NSFL1C: variants seen among roughly 807,000 people sequenced by gnomAD.
The protein encoded by NSFL1C is NSFL1 cofactor, also known as NSFL1 cofactor p47.
Under a neutral mutation model 43.1 loss-of-function variants are expected in NSFL1C, and 14 were observed. That is an observed-to-expected ratio of 0.32 (90% confidence interval 0.21 to 0.51). The LOEUF is 0.51. NSFL1C is among the 20% of genes least tolerant of loss of function. The pLI is 0.98. For synonymous variants in NSFL1C, 171 were observed against 183.5 expected, an observed-to-expected ratio of 0.93 and a Z score of 0.55; for missense variants, 406 against 472.5, an observed-to-expected ratio of 0.86 and a Z score of 1.30.
chr20:1,455,244 A>T (rs1212233918), intron 3 of NSFL1C, 112 bp from the exon 4 acceptor site: 4 of 1,238,550 alleles, frequency 3.2e-6, no homozygotes. Flanking sequence ...TTGTCTTTAA[A>T]GAATTTACTG....
At chr20:1,449,249 A>G (rs538483334) in intron 7 of NSFL1C, among the ~76,000 whole-genome samples, 3 of 152,248 alleles carry the variant, frequency 2.0e-5, no homozygotes, top group African/African-American at 4.8e-5. Flanking sequence ...CTAACTAATT[A>G]TATCATTCTT....
intron 8 of NSFL1C, among the ~76,000 whole-genome samples, chr20:1,445,306 C>G (rs1366939816): frequency 6.6e-6 from 1 of 152,136 alleles, no homozygotes; most frequent in Admixed American, 6.5e-5. Context: ...CACTGCACCC[C>G]CTTCTCCTCC....
chr20:1,452,440 G>A (rs993715548), intron 7 of NSFL1C, 53 bp downstream of exon 7: 111 of 1,598,286 alleles, frequency 6.9e-5, no homozygotes, highest in Admixed American at 8.6e-5. Context: ...GGGTCTGCTG[G>A]GCTTGGCAGG....
chr20:1,453,000 T>G (rs368542154), intron 6 of NSFL1C, 31 bp downstream of exon 6: 2 of 1,171,554 alleles, frequency 1.7e-6, no homozygotes, highest in African/African-American at 1.5e-5. Context: ...ACTCACTGAT[T>G]TGGGACCTAC....
At chr20:1,454,352 C>T (rs1195445981) in intron 4 of NSFL1C, 47 bp from the exon 5 acceptor site, 1 of 1,282,676 alleles carries the variant, frequency 7.8e-7, no homozygotes. Flanking sequence ...GTCCATGGTA[C>T]AAGGGTTACT....
intron 2 of NSFL1C, among the ~76,000 whole-genome samples, chr20:1,462,157 A>T (rs1006123338): frequency 6.6e-6 from 1 of 152,180 alleles, no homozygotes; most frequent in African/African-American, 2.4e-5. Flanking sequence ...ACAACATAAA[A>T]GGGTATGTGA....
intron 5 of NSFL1C, among the ~76,000 whole-genome samples, chr20:1,453,556 C>CCCA (rs1456438226): frequency 6.6e-6 from 1 of 152,182 alleles, no homozygotes; most frequent in East Asian, 1.9e-4. Flanking sequence ...CACAACAACT[C>CCCA]CCACACACAT....
At chr20:1,452,715 TC>T (rs991811954) in intron 6 of NSFL1C, 85 bp from the exon 7 acceptor site, 11 of 1,539,412 alleles carry the variant, frequency 7.1e-6, no homozygotes, top group Non-Finnish European at 9.7e-6. Context: ...AACCTCTCAG[TC>T]CCGTGGTGAA....
intron 2 of NSFL1C, among the ~76,000 whole-genome samples, chr20:1,460,995 G>A (rs1419132579): frequency 6.6e-6 from 1 of 152,160 alleles, no homozygotes. Flanking sequence ...GGCAGACTTC[G>A]CCTTGAATCT....
intron 7 of NSFL1C, among the ~76,000 whole-genome samples, chr20:1,450,177 T>G (rs761329557): frequency 6.6e-6 from 1 of 152,192 alleles, no homozygotes; most frequent in African/African-American, 2.4e-5. Flanking sequence ...GAGAAAATTT[T>G]CAGGAAAAAT....
intron 7 of NSFL1C, among the ~76,000 whole-genome samples, chr20:1,451,113 C>T (rs187319002): frequency 1.3e-5 from 2 of 152,200 alleles, no homozygotes; most frequent in East Asian, 3.9e-4. Context: ...AAATTAGGTG[C>T]CCTATAAAGC....
At chr20:1,451,592 A>ATTT in intron 7 of NSFL1C, among the ~76,000 whole-genome samples, 1 of 152,296 alleles carries the variant, frequency 6.6e-6, no homozygotes, top group Admixed American at 6.5e-5. Context: ...ATTGGCAAGG[A>ATTT]GGGTCACTAT....
chr20:1,462,031 T>C (rs1414076455), intron 2 of NSFL1C, among the ~76,000 whole-genome samples: 1 of 152,194 alleles, frequency 6.6e-6, no homozygotes, highest in Non-Finnish European at 1.5e-5. Context: ...TTGCCTGTAA[T>C]TTCAGGTATT....
chr20:1,453,087 T>C lies in NSFL1C; in HGVS notation c.591A>G (p.Glu197=), dbSNP rs764222818. ...WKSGFSLDNG[E]LRSYQDPSNA... is the part of the protein sequence containing the mutation. ...TGGATGGGTCTTGGTAGCTTCTGAG[T>C]TCTCCATTATCCAGGCTGAATCCAC... The change falls in exon 6 of 9, where the codon GAA becomes GAG. Residue 197 remains glutamate, a synonymous_variant. Coordinates refer to ENST00000216879, the MANE Select transcript of NSFL1C (RefSeq NM_016143.5). 1.2e-6 allele frequency: 2 copies of C among 1,613,632 alleles called. No individual in the cohort carries two copies. The highest frequency in any genetic ancestry group is 1.1e-5 in the South Asian group (1 of 91,070).
intron 2 of NSFL1C, 59 bp downstream of exon 2, chr20:1,464,270 A>G (rs1213212298): frequency 6.7e-7 from 1 of 1,494,068 alleles, no homozygotes; most frequent in Non-Finnish European, 9.3e-7. Flanking sequence ...CTGGTCAGAA[A>G]ATAGCTCCTC....
chr20:1,451,144 ACTCT>A (rs527529422), intron 7 of NSFL1C, among the ~76,000 whole-genome samples: 3 of 152,210 alleles, frequency 2.0e-5, no homozygotes, highest in Admixed American at 2.0e-4. Flanking sequence ...TGACAGGGAC[ACTCT>A]CTGTGAGAAT....
rs1400093399 is a variant in NSFL1C at position 1,466,762 on chromosome 20, G to A, written c.63C>T (p.Asp21=). The A allele has an allele frequency of 6.4e-7, 1 of 1,563,576 alleles. No homozygotes were observed. The highest frequency in any genetic ancestry group is 1.4e-5 in the African/African-American group (1 of 72,246). Residue 21 remains aspartate, a synonymous_variant, in exon 1 of 9, where the codon GAC becomes GAT. Coordinates refer to ENST00000216879, the MANE Select transcript of NSFL1C (RefSeq NM_016143.5). ...EFVAVTGAEE[D]RARFFLESAG... ...CCGACTCGAGAAAGAAGCGGGCCCG[G>A]TCCTCCTCGGCGCCCGTCACCGCCA...
chr20:1,461,973 A>G (rs2090420354), intron 2 of NSFL1C, among the ~76,000 whole-genome samples: 1 of 152,196 alleles, frequency 6.6e-6, no homozygotes, highest in African/African-American at 2.4e-5. Flanking sequence ...CATAAAAGCC[A>G]TGGACTCTCT....
At chr20:1,465,230 A>G (rs1374655307) in intron 1 of NSFL1C, among the ~76,000 whole-genome samples, 2 of 152,238 alleles carry the variant, frequency 1.3e-5, no homozygotes, top group Non-Finnish European at 2.9e-5. Context: ...ACAGAGATGA[A>G]ATAGACATGG....
Sources: gnomAD v4.1 joint callset for allele counts (sites outside exome capture counted in the v4.1 genomes callset) on GRCh38, gnomAD v4.1.1 for gene constraint, MANE v1.5 for transcripts, NCBI Gene and HGNC (gene_info 2026-07-23, HGNC 2026-07-21) for gene names.